The following MYO9A variants were observed in gnomAD, a reference collection of about 807,000 sequenced individuals.
MYO9A encodes the protein myosin IXA.
A neutral mutation model predicts 293.3 loss-of-function variants in MYO9A; 103 were observed. That is an observed-to-expected ratio of 0.35 (90% CI 0.30 to 0.41). MYO9A has a LOEUF of 0.41. Ranked by LOEUF, MYO9A falls within the 10% of genes least tolerant of loss-of-function variation. The pLI is 1.00. For synonymous variants in MYO9A, 1,001 were observed against 1,035.7 expected, an observed-to-expected ratio of 0.97 and a Z score of 0.64; for missense variants, 2,685 against 3,033.0, an observed-to-expected ratio of 0.89 and a Z score of 2.69.
intron 19 of MYO9A, among the ~76,000 whole-genome samples, chr15:71,913,846 T>C (rs2144638590): frequency 6.6e-6 from 1 of 150,514 alleles, no homozygotes; most frequent in South Asian, 2.2e-4. Flanking sequence ...TGCTAAAACA[T>C]TGTCTTTCTG....
intron 11 of MYO9A, among the ~76,000 whole-genome samples, chr15:71,979,375 C>T (rs1368313166): frequency 6.6e-6 from 1 of 151,966 alleles, no homozygotes; most frequent in Non-Finnish European, 1.5e-5. Context: ...ATAGTATGAG[C>T]TTAATGATTT....
intron 33 of MYO9A, among the ~76,000 whole-genome samples, chr15:71,862,153 G>A (rs376353065): frequency 2.3e-4 from 35 of 151,924 alleles, no homozygotes; most frequent in Non-Finnish European, 4.3e-4. Context: ...AAAGAATAGC[G>A]AATTTGGGGA....
chr15:71,922,195 T>C (rs2058174484), intron 18 of MYO9A, among the ~76,000 whole-genome samples: 1 of 152,220 alleles, frequency 6.6e-6, no homozygotes, highest in Non-Finnish European at 1.5e-5. Flanking sequence ...CCCAGGCTGG[T>C]CTCGAACTCC....
At chr15:71,928,822 G>A (rs549087291) in intron 18 of MYO9A, among the ~76,000 whole-genome samples, 12 of 151,524 alleles carry the variant, frequency 7.9e-5, no homozygotes, top group Non-Finnish European at 1.6e-4. Context: ...ACTTTAGGAG[G>A]CCAAAGCAGG....
At chr15:71,954,134 C>G (rs529444721) in intron 14 of MYO9A, among the ~76,000 whole-genome samples, 21 of 151,208 alleles carry the variant, frequency 1.4e-4, no homozygotes, top group African/African-American at 4.9e-4. Context: ...GACCTCGTGA[C>G]CTGCCTGCCT....
intron 14 of MYO9A, 157 bp downstream of exon 14, chr15:71,959,744 A>C (rs2059282431): frequency 6.2e-6 from 4 of 644,418 alleles, no homozygotes; most frequent in Non-Finnish European, 1.1e-5. Context: ...TCATAGTCAC[A>C]AATCAGTTAA....
intron 18 of MYO9A, among the ~76,000 whole-genome samples, chr15:71,922,347 A>G (rs1287445269): frequency 1.3e-5 from 2 of 152,228 alleles, no homozygotes; most frequent in Non-Finnish European, 2.9e-5. Flanking sequence ...AAAATGATGA[A>G]TAATAATTGT....
At chr15:72,025,982 G>A (rs2077653911) in intron 4 of MYO9A, among the ~76,000 whole-genome samples, 1 of 152,060 alleles carries the variant, frequency 6.6e-6, no homozygotes, top group Non-Finnish European at 1.5e-5. Flanking sequence ...AGTGAAATAA[G>A]AAATCACATT....
At chr15:71,935,947 C>A (rs1381837589) in intron 16 of MYO9A, among the ~76,000 whole-genome samples, 10 of 149,260 alleles carry the variant, frequency 6.7e-5, no homozygotes, top group Admixed American at 6.7e-4. Flanking sequence ...ACTCACACAC[C>A]CATTAAACTA....
At chr15:72,096,053 T>C (rs1004830570) in intron 1 of MYO9A, among the ~76,000 whole-genome samples, 17 of 149,120 alleles carry the variant, frequency 1.1e-4, no homozygotes, top group African/African-American at 4.0e-4. Context: ...CCCAGCTACT[T>C]GAGAGGCTAA....
At chr15:71,886,865 A>G (rs948521469) in intron 27 of MYO9A, among the ~76,000 whole-genome samples, 5 of 152,024 alleles carry the variant, frequency 3.3e-5, no homozygotes, top group African/African-American at 1.2e-4. Context: ...TTATTTCTCA[A>G]TATTTGGTTT....
chr15:72,080,616 T>C (rs2079515602), intron 1 of MYO9A, among the ~76,000 whole-genome samples: 1 of 152,050 alleles, frequency 6.6e-6, no homozygotes, highest in Admixed American at 6.5e-5. Flanking sequence ...TTTGGGTTTT[T>C]TTTTTACTTT....
chr15:71,994,383 A>G, intron 10 of MYO9A, 86 bp downstream of exon 10: 7 of 781,716 alleles, frequency 9.0e-6, no homozygotes, highest in Non-Finnish European at 1.4e-5. Flanking sequence ...ACTCTATATA[A>G]TTCTGTGTTT....
intron 1 of MYO9A, among the ~76,000 whole-genome samples, chr15:72,105,830 A>G (rs2080547953): frequency 6.6e-6 from 1 of 152,112 alleles, no homozygotes; most frequent in Non-Finnish European, 1.5e-5. Flanking sequence ...TTTTTAATCA[A>G]TTTATTCAAT....
intron 13 of MYO9A, chr15:71,960,306 A>G: frequency 1.9e-6 from 1 of 538,228 alleles, no homozygotes; most frequent in Non-Finnish European, 3.3e-6. Context: ...AAAGTAATGA[A>G]TGAGTTTTTG....
intron 6 of MYO9A, among the ~76,000 whole-genome samples, chr15:72,011,226 A>G (rs1056532040): frequency 5.9e-5 from 9 of 151,994 alleles, no homozygotes; most frequent in African/African-American, 2.2e-4. Flanking sequence ...TGCCCAGGCT[A>G]GTCCTGAACT....
intron 19 of MYO9A, among the ~76,000 whole-genome samples, 158 bp from the exon 20 acceptor site, chr15:71,905,164 T>C (rs1409912871): frequency 1.3e-5 from 2 of 152,208 alleles, no homozygotes; most frequent in East Asian, 1.9e-4. Context: ...CTCATACTGG[T>C]TAAATTATGG....
intron 1 of MYO9A, among the ~76,000 whole-genome samples, chr15:72,069,207 G>A (rs1433163421): frequency 2.0e-5 from 3 of 152,176 alleles, no homozygotes; most frequent in African/African-American, 7.2e-5. Context: ...ACTTTTGCCA[G>A]CATAGGGACT....
intron 18 of MYO9A, among the ~76,000 whole-genome samples, chr15:71,925,773 G>C (rs950993509): frequency 6.6e-6 from 1 of 151,910 alleles, no homozygotes. Context: ...TTACCATTTT[G>C]AGTTATAACC....
Sources: allele counts gnomAD v4.1 joint callset (sites outside exome capture counted in the v4.1 genomes callset), GRCh38; gene constraint gnomAD v4.1.1; transcripts MANE v1.5; gene names NCBI Gene and HGNC (gene_info 2026-07-23, HGNC 2026-07-21).